Variants in CKM observed in about 807,000 individuals in gnomAD.
The protein encoded by CKM is creatine kinase M-type.
In CKM, 28 loss-of-function variants were observed where a neutral mutation model predicts 35.4. The ratio of observed to expected loss-of-function variants is 0.79; its 90% CI spans 0.59 to 1.08. The LOEUF (loss-of-function observed/expected upper bound fraction) is 1.08, where lower values mean the gene tolerates loss of function less well. CKM is among the 50% of genes least tolerant of loss of function. The pLI, the probability that CKM is intolerant of heterozygous loss-of-function variation, is 0.00. For synonymous variants in CKM, 215 were observed against 204.4 expected (o/e 1.05, Z -0.44); for missense variants, 484 against 509.8 (o/e 0.95, Z 0.49).
intron 5 of CKM, among the ~76,000 whole-genome samples, chr19:45,310,718 C>T (rs1016565495): frequency 6.9e-6 from 1 of 144,780 alleles, no homozygotes; most frequent in Non-Finnish European, 1.5e-5. Flanking sequence ...TCCTCAGCCT[C>T]TCGAGTAGCT....
rs755518662 is a variant in CKM at position 45,311,924 on chromosome 19, T to TGGGGACACAC, written c.482-14_482-5dup. The TGGGGACACAC allele has an allele frequency of 4.3e-6, 7 of 1,613,694 alleles. No homozygotes were observed. In the Admixed American group the frequency reaches 1.0e-4, roughly 23 times the overall value. On this transcript the variant is annotated splice_region_variant and splice_polypyrimidine_tract_variant and intron_variant, in intron 4 of 7. Coordinates refer to ENST00000221476, the MANE Select transcript of CKM (RefSeq NM_001824.5). ...TCGCCCGTCAGGCTGTTGAGAGCTA[T>TGGGGACACAC]GGGGACACACGAGGGAGTGGTCAGC...
Position 45,307,574 on chromosome 19 carries a change from G to A in CKM, c.854C>T (p.Ser285Phe). 1 of 1,614,110 alleles carries A rather than the reference G, an allele frequency of 6.2e-7. No individual in the cohort carries two copies. The highest frequency in any genetic ancestry group is 8.5e-7 in the Non-Finnish European group (1 of 1,179,946). ...QHLGYVLTCP[S>F]NLGTGLRGGV... ...TCCACGCAGCCCAGTGCCCAGGTTG[G>A]ATGGGCAGGTGAGCACGTAGCCCAG... The change falls in exon 7 of 8, where the codon TCC becomes TTC. Residue 285 changes from serine (S) to phenylalanine (F), a missense_variant. By Grantham distance (155) the Ser-to-Phe change is radical (BLOSUM62 -2). Coordinates refer to ENST00000221476, the MANE Select transcript of CKM (RefSeq NM_001824.5).
intron 4 of CKM, among the ~76,000 whole-genome samples, chr19:45,312,220 G>A (rs1004798319): frequency 5.3e-5 from 8 of 152,242 alleles, no homozygotes; most frequent in African/African-American, 1.9e-4. Context: ...GTGTGCTGGT[G>A]CCTGCTCCTA....
At position 45,317,911 on chromosome 19, in the gene CKM, G is replaced by T. The variant is rs1486312972; in HGVS notation, c.262C>A (p.Leu88Ile). 1 of 1,613,968 alleles carries T rather than the reference G, an allele frequency of 6.2e-7. No individual in the cohort carries two copies. The highest frequency in any genetic ancestry group is 8.5e-7 in the Non-Finnish European group (1 of 1,179,960). ...DEESYEVFKE[L>I]FDPIISDRHG... is the part of the protein sequence containing the mutation. ...CGATCCGAGATGATGGGGTCAAAGA[G>T]TTCCTTGAAAACTTCGTAGGACTCC... Residue 88 changes from leucine (L) to isoleucine (I), a missense_variant, in exon 3 of 8, where the codon CTC becomes ATC. Leu to Ile is a conservative substitution (Grantham distance 5). Coordinates refer to ENST00000221476, the MANE Select transcript of CKM (RefSeq NM_001824.5).
rs58946248 is a variant in CKM, at chr19:45,307,884, T to TTC, written c.778-235_778-234insGA. On this transcript the variant is annotated intron_variant, in intron 6 of 7. Coordinates refer to ENST00000221476, the MANE Select transcript of CKM (RefSeq NM_001824.5). ...AAGGCGGGTTTTTTTTTTTTTTTTT[T>TTC]CCAGAGTCTCTCTGTGTCACCCAGG... Among the ~76,000 whole-genome samples the TTC allele has an allele frequency of 7.5e-3, 1,104 of 146,572 alleles. 3 individuals carry two copies. The highest frequency in any genetic ancestry group is 0.012 in the Non-Finnish European group (833 of 66,664).
intron 5 of CKM, among the ~76,000 whole-genome samples, chr19:45,310,352 C>T (rs564177181): frequency 2.0e-5 from 3 of 151,874 alleles, no homozygotes; most frequent in Admixed American, 6.6e-5. Context: ...GATCTCCTGA[C>T]CTCGTGATCC....
chr19:45,311,512 C>A (rs1248613672), intron 5 of CKM, among the ~76,000 whole-genome samples: 1 of 152,236 alleles, frequency 6.6e-6, no homozygotes, highest in Non-Finnish European at 1.5e-5. Context: ...AGGCATGAGC[C>A]ACCGTGCCCC....
chr19:45,317,476 G>C (rs569569278), intron 3 of CKM, among the ~76,000 whole-genome samples: 1 of 151,818 alleles, frequency 6.6e-6, no homozygotes, highest in East Asian at 2.0e-4. Context: ...TAGTAGAGAC[G>C]GGGTTTCACC....
chr19:45,322,514 C>A (rs192824033), intron 1 of CKM, among the ~76,000 whole-genome samples: 1 of 152,188 alleles, frequency 6.6e-6, no homozygotes, highest in African/African-American at 2.4e-5. Flanking sequence ...AGGCCTGGCT[C>A]AACAGCCCCT....
chr19:45,322,801 A>G lies in CKM; in HGVS notation c.-19+20T>C, dbSNP rs146631366. 7.4e-3 allele frequency: 7,298 copies of G among 985,466 alleles called. 38 individuals are homozygous for G. The highest frequency in any genetic ancestry group is 8.4e-3 in the Non-Finnish European group (6,964 of 829,974). The allele number at this position is 985,466 out of a possible 1,614,324, so 61.0% of individuals were successfully genotyped here. On this transcript the variant is annotated intron_variant, in intron 1 of 7. Coordinates refer to ENST00000221476, the MANE Select transcript of CKM (RefSeq NM_001824.5). Reference sequence around the variant, plus strand: ...ATCCCCTACTCTGGCCCCCACCCAGATTCCCGCCCCGTGCAGTACCTGGCT... The same window carrying G: ...ATCCCCTACTCTGGCCCCCACCCAGGTTCCCGCCCCGTGCAGTACCTGGCT...
rs775825369 is a variant in CKM, at chr19:45,308,527, T to C, written c.659A>G (p.Asn220Ser). Residue 220 changes from asparagine (N) to serine (S), a missense_variant, in exon 6 of 8, where the codon AAT becomes AGT. Asn to Ser is a conservative substitution (Grantham distance 46). Coordinates refer to ENST00000221476, the MANE Select transcript of CKM (RefSeq NM_001824.5). ...DWPDARGIWH[N>S]DNKSFLVWVN... Reference sequence around the variant, plus strand: ...CCACACCAGGAAGCTCTTGTTGTCATTGTGCCTAGAGTAAGGTGCCGCAGC... The same window carrying C: ...CCACACCAGGAAGCTCTTGTTGTCACTGTGCCTAGAGTAAGGTGCCGCAGC... The C allele has an allele frequency of 1.9e-6, 3 of 1,614,050 alleles. No individual in the cohort carries two copies. The highest frequency in any genetic ancestry group is 1.1e-5 in the South Asian group (1 of 91,082).
intron 6 of CKM, 148 bp from the exon 7 acceptor site, chr19:45,307,798 T>G: frequency 1.5e-6 from 1 of 654,562 alleles, no homozygotes; most frequent in East Asian, 2.8e-5. Flanking sequence ...ATTCCGAGGG[T>G]GCTGGCTAGA....
At chr19:45,311,441 G>T (rs1971108648) in intron 5 of CKM, among the ~76,000 whole-genome samples, 1 of 151,560 alleles carries the variant, frequency 6.6e-6, no homozygotes, top group Non-Finnish European at 1.5e-5. Flanking sequence ...GGCCAGGCTG[G>T]TCTCAAACTC....
chr19:45,308,624 G>A (rs1011495868), intron 5 of CKM, 92 bp from the exon 6 acceptor site: 50 of 1,565,826 alleles, frequency 3.2e-5, no homozygotes, highest in Admixed American at 1.7e-5. Flanking sequence ...CCACCGATGG[G>A]GGAAGAGGGC....
At chr19:45,317,776 T>C in intron 3 of CKM, 49 bp downstream of exon 3, 3 of 1,602,870 alleles carry the variant, frequency 1.9e-6, no homozygotes, top group Non-Finnish European at 2.6e-6. Context: ...TCTCCTGTGA[T>C]CTCTCTCCTC....
intron 1 of CKM, among the ~76,000 whole-genome samples, chr19:45,321,880 T>C (rs957004412): frequency 6.6e-6 from 1 of 151,772 alleles, no homozygotes; most frequent in Non-Finnish European, 1.5e-5. Context: ...GGGAGGGAGA[T>C]TGGGACCACG....
In CKM at chr19:45,318,018, A is replaced by G. The variant is rs1971176487; in HGVS notation, c.194-39T>C. The stretch of plus-strand genomic sequence containing the variant: ...GGTGAGGTCAGAGCTGCTTGTCCCC[A>G]GCAAACAGGGCGTGGGCTTGTGGGC... On this transcript the variant is annotated intron_variant, in intron 2 of 7. Coordinates refer to ENST00000221476, the MANE Select transcript of CKM (RefSeq NM_001824.5). 2.5e-6 allele frequency: 4 copies of G among 1,603,524 alleles called. No homozygotes were observed. The African/African-American group carries it at 5.4e-5, about 21-fold the overall frequency.
rs746474874 is a variant in CKM, at chr19:45,317,811, G to C, written c.348+14C>G. On this transcript the variant is annotated intron_variant, in intron 3 of 7. Transcript: ENST00000221476. ...CCTCACCCCTCGGCCCTCCCCTCCT[G>C]CGCAGACACCGACCTTGAGGTTTTC... The C allele has an allele frequency of 6.2e-7, 1 of 1,613,704 alleles. No homozygotes were observed. Among genetic ancestry groups the C allele is most frequent in the African/African-American group, 1.3e-5 (1 of 74,828 alleles).
intron 2 of CKM, among the ~76,000 whole-genome samples, chr19:45,318,887 G>T (rs1409554844): frequency 2.8e-4 from 42 of 150,274 alleles, no homozygotes; most frequent in Non-Finnish European, 5.5e-4. Flanking sequence ...TTGAGACAGG[G>T]TCTCACTCTG....
Sources: gnomAD v4.1 joint callset for allele counts (sites outside exome capture counted in the v4.1 genomes callset) on GRCh38, gnomAD v4.1.1 for gene constraint, MANE v1.5 for transcripts, NCBI Gene and HGNC (gene_info 2026-07-23, HGNC 2026-07-21) for gene names.